Variants in GPBP1 observed in about 807,000 individuals in gnomAD.
GPBP1 encodes the protein GC-rich promoter binding protein 1, also known as vasculin.
GPBP1 carries 13 observed loss-of-function variants against 56.5 expected under a neutral mutation model. That is an observed-to-expected ratio of 0.23 (90% CI 0.15 to 0.37). The LOEUF is 0.37. Among genes scored for constraint, GPBP1 ranks in the 10% least tolerant of loss-of-function variants. The pLI is 1.00. For synonymous variants in GPBP1, 204 were observed against 188.9 expected, an observed-to-expected ratio of 1.08 and a Z score of -0.66; for missense variants, 477 against 572.3, an observed-to-expected ratio of 0.83 and a Z score of 1.70.
At chr5:57,218,055 T>A (rs1755774560) in intron 3 of GPBP1, among the ~76,000 whole-genome samples, 1 of 152,034 alleles carries the variant, frequency 6.6e-6, no homozygotes, top group Non-Finnish European at 1.5e-5. Context: ...CTATAAGACC[T>A]GTGTAAAAGA....
chr5:57,175,865 T>C lies in GPBP1; in HGVS notation c.-593T>C. ...TTATTTTTACCTTTATTGAAAGTTT[T>C]AGGAATTTTTGACTTCAGCTCTTTC... On this transcript the variant is annotated 5_prime_UTR_variant, in exon 2 of 12. Transcript: ENST00000506184. 1 of 397,854 alleles carries C rather than the reference T, an allele frequency of 2.5e-6. No homozygotes were observed. Among genetic ancestry groups the C allele is most frequent in the Non-Finnish European group, 4.4e-6 (1 of 225,844 alleles). The allele number at this position is 397,854 out of a possible 1,614,324, so 24.6% of individuals were successfully genotyped here. A position where few individuals can be genotyped will look rare whatever the true frequency, so the allele number is the denominator to read the frequency against.
intron 3 of GPBP1, among the ~76,000 whole-genome samples, chr5:57,227,545 T>C (rs1223824866): frequency 2.0e-5 from 3 of 152,168 alleles, no homozygotes; most frequent in Non-Finnish European, 2.9e-5. Context: ...GACTACACTT[T>C]GCATGGGCCG....
chr5:57,195,034 G>C (rs1400929219), intron 2 of GPBP1, among the ~76,000 whole-genome samples: 1 of 151,598 alleles, frequency 6.6e-6, no homozygotes, highest in Non-Finnish European at 1.5e-5. Context: ...GGGCTTGCTG[G>C]ATCATATGGC....
intron 10 of GPBP1, among the ~76,000 whole-genome samples, chr5:57,254,692 C>CAAA (rs541890019): frequency 2.6e-4 from 21 of 79,828 alleles, no homozygotes; most frequent in African/African-American, 7.8e-4. Context: ...GAGACTGTCT[C>CAAA]AAAAAAAAAA....
chr5:57,212,750 A>G (rs975826097), intron 2 of GPBP1, among the ~76,000 whole-genome samples: 46 of 150,954 alleles, frequency 3.0e-4, no homozygotes, highest in African/African-American at 1.1e-3. Flanking sequence ...GCTCACTGCA[A>G]TCTCCATCTC....
chr5:57,226,120 T>C (rs1756176307), intron 3 of GPBP1, among the ~76,000 whole-genome samples: 1 of 152,186 alleles, frequency 6.6e-6, no homozygotes, highest in South Asian at 2.1e-4. Context: ...GAGAATGAGA[T>C]ACAGGACATC....
chr5:57,260,396 C>A (rs1580090538), intron 10 of GPBP1, among the ~76,000 whole-genome samples: 1 of 152,254 alleles, frequency 6.6e-6, no homozygotes, highest in East Asian at 1.9e-4. Context: ...CGTAAAGCAT[C>A]AGTGATTTCA....
chr5:57,246,798 A>G (rs1205480869), intron 7 of GPBP1, among the ~76,000 whole-genome samples: 1 of 151,782 alleles, frequency 6.6e-6, no homozygotes, highest in Non-Finnish European at 1.5e-5. Context: ...GGTTTTGGAA[A>G]CTCACATGTT....
rs373092633 is a variant in GPBP1 at position 57,194,564 on chromosome 5, A to G, written c.-58+18164A>G. Among the ~76,000 whole-genome samples, 9 of 152,276 alleles carry G rather than the reference A, an allele frequency of 5.9e-5. No individual in the cohort carries two copies. The East Asian group carries it at 1.4e-3, about 23-fold the overall frequency. Reference sequence around the variant, plus strand: ...CTCCATTTTAGTTATCTTGAAATATATAATTATTGTTAACTGTAGTTGCCC... The same window carrying G: ...CTCCATTTTAGTTATCTTGAAATATGTAATTATTGTTAACTGTAGTTGCCC... On this transcript the variant is annotated intron_variant, in intron 2 of 11. Transcript: ENST00000506184.
rs999672047 is a variant in GPBP1, at chr5:57,263,394, C to T, written c.*642C>T. On this transcript the variant is annotated 3_prime_UTR_variant, in exon 12 of 12. Transcript: ENST00000506184. ...AAATGTTACAGGAAAAGACTTGGCA[C>T]ATTTTCTTCCAAATTTTAAGAGGTG... 1.3e-5 allele frequency: 2 copies of T among 152,168 alleles called. No individual in the cohort carries two copies. Among genetic ancestry groups the T allele is most frequent in the Non-Finnish European group, 2.9e-5 (2 of 68,036 alleles). 9.4% of individuals were successfully genotyped at this position (152,168 alleles called of 1,614,324 possible).
intron 6 of GPBP1, 87 bp downstream of exon 6, chr5:57,236,119 G>A (rs1457573489): frequency 1.1e-5 from 9 of 845,990 alleles, no homozygotes; most frequent in Non-Finnish European, 1.8e-5. Context: ...ATAGAGAGCA[G>A]GCTAGAATAA....
chr5:57,246,539 C>T (rs1741099947), intron 7 of GPBP1, 55 bp downstream of exon 7: 14 of 1,396,804 alleles, frequency 1.0e-5, no homozygotes, highest in Non-Finnish European at 1.2e-5. Context: ...AATTTATGTC[C>T]TATGGGGGGA....
At chr5:57,209,924 T>C (rs1025179058) in intron 2 of GPBP1, among the ~76,000 whole-genome samples, 4 of 152,206 alleles carry the variant, frequency 2.6e-5, no homozygotes, top group African/African-American at 9.6e-5. Context: ...AGTACTTTGG[T>C]TGTAGTTAGA....
At chr5:57,175,310 A>C (rs1753751359) in intron 1 of GPBP1, 138 bp from the exon 2 acceptor site, 1 of 381,844 alleles carries the variant, frequency 2.6e-6, no homozygotes, top group East Asian at 3.7e-5. Flanking sequence ...TTGCTTGGGT[A>C]AAGAAGCCCT....
Position 57,247,127 on chromosome 5 carries a change from C to G in GPBP1, c.716C>G (p.Pro239Arg). Reference protein sequence around the residue: ...TKENKVGTSFPHESTFGVGNF... With the variant: ...TKENKVGTSFRHESTFGVGNF... The stretch of plus-strand genomic sequence containing the variant: ...GAAAATAAAGTTGGAACTTCTTTCC[C>G]TCATGAGTCCACATTTGGCGTTGGC... Residue 239 changes from proline (P) to arginine (R), a missense_variant, in exon 8 of 12, where the codon CCT becomes CGT. Physicochemically the swap from Pro to Arg is moderately radical, Grantham distance 103 (BLOSUM62 -2). This residue lies in a region of GPBP1 where 414 missense variants were observed against 458.2 expected (regional missense o/e 0.90). Coordinates refer to ENST00000506184, the MANE Select transcript of GPBP1 (RefSeq NM_022913.4). The G allele has an allele frequency of 3.7e-6, 6 of 1,613,620 alleles. No individual in the cohort carries two copies. The highest frequency in any genetic ancestry group is 5.1e-6 in the Non-Finnish European group (6 of 1,179,720).
chr5:57,204,021 A>G (rs1369533859), intron 2 of GPBP1, among the ~76,000 whole-genome samples: 2 of 152,204 alleles, frequency 1.3e-5, no homozygotes, highest in East Asian at 1.9e-4. Flanking sequence ...CTTAGTATTT[A>G]TTTAAAAACA....
chr5:57,213,499 C>T (rs1755580062), intron 2 of GPBP1, among the ~76,000 whole-genome samples: 1 of 148,584 alleles, frequency 6.7e-6, no homozygotes, highest in South Asian at 2.1e-4. Flanking sequence ...TTGATTTGTT[C>T]ACATAAAGGA....
intron 3 of GPBP1, among the ~76,000 whole-genome samples, chr5:57,218,039 T>C (rs1210312582): frequency 1.3e-5 from 2 of 152,152 alleles, no homozygotes; most frequent in South Asian, 2.1e-4. Context: ...TTTTGACTTT[T>C]CTAGACTATA....
intron 1 of GPBP1, among the ~76,000 whole-genome samples, chr5:57,174,963 G>C (rs959444216): frequency 1.3e-5 from 2 of 152,154 alleles, no homozygotes; most frequent in Non-Finnish European, 1.5e-5. Context: ...GTGGGAATAT[G>C]CCTCCTCTAG....
Sources: allele counts gnomAD v4.1 joint callset (sites outside exome capture counted in the v4.1 genomes callset), GRCh38; gene constraint gnomAD v4.1.1; regional missense constraint gnomAD v4.1.1; transcripts MANE v1.5; gene names NCBI Gene and HGNC (gene_info 2026-07-23, HGNC 2026-07-21).